Variants in WDR7 observed in about 807,000 individuals in gnomAD.
WDR7 encodes the protein WD repeat-containing protein 7.
In WDR7, 46 loss-of-function variants were observed where a neutral mutation model predicts 169.4. The observed-to-expected ratio is 0.27, with a 90% confidence interval of 0.21 to 0.35. WDR7 has a LOEUF of 0.35. Ranked by LOEUF, WDR7 falls within the 10% of genes least tolerant of loss-of-function variation. The pLI is 1.00. For synonymous variants in WDR7, 612 were observed against 666.8 expected, an observed-to-expected ratio of 0.92 and a Z score of 1.27; for missense variants, 1,534 against 1,859.3, an observed-to-expected ratio of 0.83 and a Z score of 3.22.
Position 56,687,964 on chromosome 18 carries a change from C to T in WDR7, c.717+990C>T, listed in dbSNP as rs143222029. Among the ~76,000 whole-genome samples, 30 of 152,220 alleles carry T rather than the reference C, an allele frequency of 2.0e-4. No homozygotes were observed. The East Asian group carries it at 5.6e-3, about 28-fold the overall frequency. ...TTTAAAAACAGTCACAAAATGCAAC[C>T]TATACTCAGGGGAGAGGATTACACA... is the stretch of plus-strand genomic sequence containing the variant. On this transcript the variant is annotated intron_variant, in intron 7 of 27. Coordinates refer to ENST00000254442, the MANE Select transcript of WDR7 (RefSeq NM_015285.3).
chr18:56,922,881 G>C (rs1009393102), intron 21 of WDR7, among the ~76,000 whole-genome samples: 4 of 152,066 alleles, frequency 2.6e-5, no homozygotes, highest in African/African-American at 7.2e-5. Flanking sequence ...TTGTATTAAA[G>C]TTTATATGCC....
Position 56,816,130 on chromosome 18 carries a change from A to C in WDR7, c.3290A>C (p.Asp1097Ala). The C allele has an allele frequency of 6.2e-7, 1 of 1,613,528 alleles. No homozygotes were observed. Among genetic ancestry groups the C allele is most frequent in the Non-Finnish European group, 8.5e-7 (1 of 1,179,814 alleles). ...GAGGAAGAGCATGACCTTGTTGACG[A>C]TGACATCACCACTGGTAAGCACAGA... ...VQEEEHDLVD[D>A]DITTGCLSSV... Residue 1097 changes from aspartate to alanine, a missense_variant, in exon 20 of 28, where the codon GAT becomes GCT. By Grantham distance (126) the Asp-to-Ala change is moderately radical (BLOSUM62 -2). Coordinates refer to ENST00000254442, the MANE Select transcript of WDR7 (RefSeq NM_015285.3).
intron 14 of WDR7, among the ~76,000 whole-genome samples, chr18:56,738,644 A>G (rs917902976): frequency 1.3e-5 from 2 of 152,212 alleles, no homozygotes; most frequent in African/African-American, 4.8e-5. Context: ...GGGTATCATA[A>G]TAGTTACACT....
At chr18:56,844,513 T>C (rs950575904) in intron 20 of WDR7, among the ~76,000 whole-genome samples, 2 of 152,240 alleles carry the variant, frequency 1.3e-5, no homozygotes, top group Non-Finnish European at 2.9e-5. Context: ...AAAATTGTTA[T>C]TCTTTTCACA....
intron 25 of WDR7, among the ~76,000 whole-genome samples, chr18:56,949,410 T>G (rs2047150410): frequency 6.6e-6 from 1 of 152,230 alleles, no homozygotes; most frequent in Non-Finnish European, 1.5e-5. Flanking sequence ...TGAACAAATA[T>G]TGAGAAAAGT....
chr18:56,887,774 A>C (rs188579961), intron 21 of WDR7, among the ~76,000 whole-genome samples: 3 of 152,220 alleles, frequency 2.0e-5, no homozygotes, highest in Non-Finnish European at 4.4e-5. Flanking sequence ...ATTAAATTTA[A>C]ATTTATCAGT....
chr18:56,667,356 A>G (rs2025046116), intron 1 of WDR7, among the ~76,000 whole-genome samples: 1 of 151,986 alleles, frequency 6.6e-6, no homozygotes, highest in African/African-American at 2.4e-5. Flanking sequence ...CAGTAGCATC[A>G]TATTTGGTTT....
intron 26 of WDR7, among the ~76,000 whole-genome samples, chr18:56,996,610 C>T (rs748990572): frequency 4.0e-5 from 6 of 151,484 alleles, no homozygotes; most frequent in African/African-American, 1.2e-4. Flanking sequence ...TAGAATTAGA[C>T]GATGTCTGGT....
intron 26 of WDR7, among the ~76,000 whole-genome samples, chr18:56,973,492 G>A (rs1423839079): frequency 5.3e-5 from 8 of 151,840 alleles, no homozygotes; most frequent in African/African-American, 1.7e-4. Context: ...CATATTGTGT[G>A]TGGGGGGGGT....
At chr18:56,846,553 A>G (rs2045571273) in intron 20 of WDR7, among the ~76,000 whole-genome samples, 2 of 152,172 alleles carry the variant, frequency 1.3e-5, no homozygotes, top group African/African-American at 4.8e-5. Context: ...TATAAGTCCA[A>G]TTGAACCTCT....
At chr18:56,880,854 C>A (rs1342872098) in intron 21 of WDR7, among the ~76,000 whole-genome samples, 3 of 152,118 alleles carry the variant, frequency 2.0e-5, no homozygotes, top group Non-Finnish European at 4.4e-5. Context: ...TTAAAATAAG[C>A]TCTTTTGGTT....
chr18:56,826,685 G>A (rs1232826806), intron 20 of WDR7, among the ~76,000 whole-genome samples: 3 of 152,066 alleles, frequency 2.0e-5, no homozygotes, highest in African/African-American at 7.2e-5. Context: ...CATCTTTTTT[G>A]TTATAACTAT....
intron 22 of WDR7, among the ~76,000 whole-genome samples, chr18:56,928,034 GA>G (rs1395752197): frequency 3.3e-5 from 5 of 152,210 alleles, no homozygotes; most frequent in African/African-American, 1.2e-4. Flanking sequence ...GCGGGGGAAG[GA>G]CAGGGGCATG....
At chr18:56,651,817 T>G (rs1229776025) in intron 1 of WDR7, 3 of 152,512 alleles carry the variant, frequency 2.0e-5, no homozygotes, top group East Asian at 3.9e-4. Flanking sequence ...TATTTGCTAC[T>G]TGTGACAGTT....
intron 16 of WDR7, among the ~76,000 whole-genome samples, chr18:56,770,104 C>G (rs541146516): frequency 1.1e-4 from 17 of 152,238 alleles, no homozygotes; most frequent in African/African-American, 3.6e-4. Flanking sequence ...CTTTATGTTT[C>G]TGGAGTCAGT....
At chr18:56,938,109 A>C (rs1203445092) in intron 23 of WDR7, among the ~76,000 whole-genome samples, 2 of 152,150 alleles carry the variant, frequency 1.3e-5, no homozygotes, top group Non-Finnish European at 2.9e-5. Flanking sequence ...CAGAGGCAGA[A>C]GAAAATCTGA....
chr18:56,962,311 A>C (rs1393574234), intron 25 of WDR7, 119 bp from the exon 26 acceptor site: 1 of 551,846 alleles, frequency 1.8e-6, no homozygotes, highest in African/African-American at 1.9e-5. Context: ...GGATATATTT[A>C]TTTCAAAATA....
chr18:57,010,858 G>T (rs927834619), intron 26 of WDR7, among the ~76,000 whole-genome samples: 1 of 152,080 alleles, frequency 6.6e-6, no homozygotes. Flanking sequence ...CTTTGAATCT[G>T]GAAGTTTCCC....
chr18:56,935,649 T>C (rs973160506), intron 22 of WDR7, 139 bp from the exon 23 acceptor site: 4 of 751,856 alleles, frequency 5.3e-6, no homozygotes, highest in African/African-American at 3.4e-5. Flanking sequence ...TCACTGCCCA[T>C]TGTTGCAAGT....
Sources: gnomAD v4.1 joint callset for allele counts (sites outside exome capture counted in the v4.1 genomes callset) on GRCh38, gnomAD v4.1.1 for gene constraint, MANE v1.5 for transcripts, NCBI Gene and HGNC (gene_info 2026-07-23, HGNC 2026-07-21) for gene names.